The following RASL11A variants were observed in gnomAD, a reference collection of about 807,000 sequenced individuals.
The protein encoded by RASL11A is ras-like protein family member 11A.
RASL11A carries 14 observed loss-of-function variants against 17.1 expected under a neutral mutation model. The ratio of observed to expected loss-of-function variants is 0.82; its 90% confidence interval spans 0.54 to 1.28. The LOEUF (loss-of-function observed/expected upper bound fraction) is 1.28, where lower values mean the gene tolerates loss of function less well. Ranked by LOEUF, RASL11A falls within the 50% of genes most tolerant of loss-of-function variation. The pLI is 0.00. For synonymous variants in RASL11A, 146 were observed against 132.5 expected (o/e 1.10, Z -0.70); for missense variants, 283 against 312.3 (o/e 0.91, Z 0.71).
In RASL11A at chr13:27,271,027, T is replaced by C; in HGVS notation, c.83T>C (p.Ile28Thr). ...SSSDYLLPKD[I>T]KLAVLGAGRV... Reference sequence around the variant, plus strand: ...TCGGACTACCTACTGCCCAAGGACATCAAACTGGCGGTGCTGGGCGCCGGC... The same window carrying C: ...TCGGACTACCTACTGCCCAAGGACACCAAACTGGCGGTGCTGGGCGCCGGC... The change falls in exon 1 of 4, where the codon ATC becomes ACC. Residue 28 changes from isoleucine to threonine, a missense_variant. Physicochemically the swap from Ile to Thr is moderately conservative, Grantham distance 89. Transcript: ENST00000241463. 1 of 1,589,180 alleles carries C rather than the reference T, an allele frequency of 6.3e-7. No individual in the cohort carries two copies.
At position 27,273,339 on chromosome 13, in the gene RASL11A, C is replaced by A; in HGVS notation, c.574C>A (p.Leu192Ile). ...YEDVCDVFQHLCKEVSKMHGL... is the reference protein window; with the variant it reads ...YEDVCDVFQHICKEVSKMHGL... ...AGATGTCTGTGATGTGTTTCAGCAT[C>A]TCTGCAAAGAAGTGAGCAAGATGCA... The change falls in exon 4 of 4, where the codon CTC (leucine) becomes ATC (isoleucine). Residue 192 changes from leucine (L) to isoleucine (I), a missense_variant. By Grantham distance (5) the Leu-to-Ile change is conservative. Coordinates refer to ENST00000241463, the MANE Select transcript of RASL11A (RefSeq NM_206827.2). The A allele has an allele frequency of 1.9e-6, 3 of 1,614,244 alleles. No individual in the cohort carries two copies. The highest frequency in any genetic ancestry group is 2.5e-6 in the Non-Finnish European group (3 of 1,180,038).
chr13:27,271,147 C>A (rs9507866), intron 1 of RASL11A, 79 bp downstream of exon 1: 585,698 of 1,497,994 alleles, frequency 0.39, 120,989 homozygotes, highest in African/African-American at 0.68. Context: ...GGAGAGAGGG[C>A]GCCTCGGCCG....
rs1250593656 is a variant in RASL11A at position 27,271,370 on chromosome 13, G to C, written c.125-114G>C. On this transcript the variant is annotated intron_variant, in intron 1 of 3. Transcript: ENST00000241463. ...GCACCACGGCTTTGCGGAGCCTCTG[G>C]AAGCGAGCAGTGCCCACGGTTCTGC... 9 of 1,550,582 alleles carry C rather than the reference G, an allele frequency of 5.8e-6. No individual in the cohort carries two copies. The East Asian group carries it at 2.1e-4, about 35-fold the overall frequency.
At position 27,270,992 on chromosome 13, in the gene RASL11A, C is replaced by T. The variant is rs771124290; in HGVS notation, c.48C>T (p.Pro16=). The T allele has an allele frequency of 8.1e-6, 13 of 1,595,836 alleles. No homozygotes were observed. In the South Asian group the frequency reaches 1.5e-4, roughly 18 times the overall value. Residue 16 remains proline (P), a synonymous_variant, in exon 1 of 4, where the codon CCC becomes CCT. Coordinates refer to ENST00000241463, the MANE Select transcript of RASL11A (RefSeq NM_206827.2). The stretch of plus-strand genomic sequence containing the variant: ...GGCACTTTCTGCTCGCACCCATCCC[C>T]GAGTCCTCCTCGGACTACCTACTGC... ...MSGHFLLAPI[P]ESSSDYLLPK...
In RASL11A at chr13:27,273,582, G is replaced by A; in HGVS notation, c.*88G>A. 1 of 922,586 alleles carries A rather than the reference G, an allele frequency of 1.1e-6. No individual in the cohort carries two copies. The highest frequency in any genetic ancestry group is 1.7e-5 in the African/African-American group (1 of 58,056). The allele number at this position is 922,586 out of a possible 1,614,324, so 57.1% of individuals were successfully genotyped here. ...CTCGCTTTTTAATCACACATTCAGA[G>A]TTTATTTTTATAAAAAAATTGATTT... On this transcript the variant is annotated 3_prime_UTR_variant, in exon 4 of 4. Coordinates refer to ENST00000241463, the MANE Select transcript of RASL11A (RefSeq NM_206827.2).
chr13:27,271,119 G>T, intron 1 of RASL11A, 51 bp downstream of exon 1: 1 of 1,530,288 alleles, frequency 6.5e-7, no homozygotes, highest in South Asian at 1.2e-5. Flanking sequence ...CTCCGGCCGC[G>T]ACCACTGGGG....
rs376833095 is a variant in RASL11A, at chr13:27,274,853, TG to T, written c.*1360del. Among the ~76,000 whole-genome samples, 1,084 of 152,324 alleles carry T rather than the reference TG, an allele frequency of 7.1e-3. 14 individuals are homozygous for T. The highest frequency in any genetic ancestry group is 0.025 in the African/African-American group (1,037 of 41,570). ...TGGTAAGTTTTAAGTAAACATATAA[TG>T]AATAAATGAATGAATGCACCACTTA... On this transcript the variant is annotated 3_prime_UTR_variant, in exon 4 of 4. Transcript: ENST00000241463.
chr13:27,271,606 G>C (rs770976182), intron 2 of RASL11A, 33 bp from the exon 3 acceptor site: 1 of 1,613,480 alleles, frequency 6.2e-7, no homozygotes, highest in Non-Finnish European at 8.5e-7. Context: ...GGGAGTTTGA[G>C]AATTAAAAAG....
intron 1 of RASL11A, 39 bp from the exon 2 acceptor site, chr13:27,271,445 G>A (rs753714246): frequency 1.9e-6 from 3 of 1,612,898 alleles, no homozygotes; most frequent in African/African-American, 1.3e-5. Context: ...TGACAGGCTT[G>A]TTCTACTCCT....
At chr13:27,271,195 T>C in intron 1 of RASL11A, 127 bp downstream of exon 1, 1 of 1,460,176 alleles carries the variant, frequency 6.8e-7, no homozygotes, top group Non-Finnish European at 9.0e-7. Context: ...TCGGGCTGCT[T>C]TCGCGCTGGG....
rs1286518090 is a variant in RASL11A at position 27,270,962 on chromosome 13, G to A, written c.18G>A (p.Met6Ile). Residue 6 changes from methionine (M) to isoleucine (I), a missense_variant, in exon 1 of 4, where the codon ATG (methionine) becomes ATA (isoleucine). Transcript: ENST00000241463. MRPLS[M>I]SGHFLLAPIP... is the part of the protein sequence containing the mutation. The stretch of plus-strand genomic sequence containing the variant: ...CGCGCTCCATGCGGCCGCTCAGCAT[G>A]TCCGGGCACTTTCTGCTCGCACCCA... 6.3e-7 allele frequency: 1 copy of A among 1,596,938 alleles called. No individual in the cohort carries two copies. The highest frequency in any genetic ancestry group is 1.7e-5 in the Admixed American group (1 of 58,508).
rs368660825 is a variant in RASL11A, at chr13:27,273,229, G to A, written c.464G>A (p.Arg155Gln). Residue 155 changes from arginine (R) to glutamine (Q), a missense_variant, in exon 4 of 4, where the codon CGG becomes CAG. Physicochemically the swap from Arg to Gln is conservative, Grantham distance 43. Transcript: ENST00000241463. The part of the protein sequence containing the change: ...VGNKGDLLHA[R>Q]QVQTQDGIQL... ...AACAAGGGGGACCTTTTGCATGCCCGGCAGGTGCAGACACAGGACGGTATT... is the reference window on the plus strand; with the variant it reads ...AACAAGGGGGACCTTTTGCATGCCCAGCAGGTGCAGACACAGGACGGTATT... The A allele has an allele frequency of 7.5e-5, 121 of 1,614,080 alleles. No homozygotes were observed. The highest frequency in any genetic ancestry group is 9.7e-5 in the Non-Finnish European group (114 of 1,180,038).
At position 27,274,762 on chromosome 13, in the gene RASL11A, C is replaced by T. The variant is rs941603880; in HGVS notation, c.*1268C>T. Among the ~76,000 whole-genome samples the T allele has an allele frequency of 5.3e-5, 8 of 152,224 alleles. No homozygotes were observed. The highest frequency in any genetic ancestry group is 7.2e-5 in the African/African-American group (3 of 41,460). ...TTACTCCATTAGAAGGAGTCCCCCT[C>T]GAGGGCAGTAGCTGCATTTTATGAT... On this transcript the variant is annotated 3_prime_UTR_variant, in exon 4 of 4. Transcript: ENST00000241463.
At position 27,273,110 on chromosome 13, in the gene RASL11A, C is replaced by A. The variant is rs764294021; in HGVS notation, c.345C>A (p.Ile115=). The change falls in exon 4 of 4, where the codon ATC becomes ATA. Residue 115 remains isoleucine (I), a synonymous_variant. Coordinates refer to ENST00000241463, the MANE Select transcript of RASL11A (RefSeq NM_206827.2). The part of the protein sequence containing the change: ...WAEGFLLVYS[I]TDYDSYLSIR... ...AGGGTTTTCTGCTGGTCTATTCCAT[C>A]ACAGACTATGACAGCTACTTGTCCA... 6.5e-5 allele frequency: 105 copies of A among 1,614,080 alleles called. 2 individuals carry two copies. In the South Asian group the frequency reaches 1.2e-3, roughly 18 times the overall value.
chr13:27,271,459 G>A (rs1282211857), intron 1 of RASL11A, 25 bp from the exon 2 acceptor site: 3 of 1,614,060 alleles, frequency 1.9e-6, no homozygotes. Flanking sequence ...TACTCCTTCG[G>A]TTGATTTTCC....
chr13:27,273,536 T>C lies in RASL11A; in HGVS notation c.*42T>C. ...GCCTCTCCTTTTTAATACGCATTTG[T>C]GCAGCTAAAAGACTGGGCTTCTCGC... is the stretch of plus-strand genomic sequence containing the variant. On this transcript the variant is annotated 3_prime_UTR_variant, in exon 4 of 4. Transcript: ENST00000241463. 1.3e-6 allele frequency: 2 copies of C among 1,489,440 alleles called. No individual in the cohort carries two copies. Among genetic ancestry groups the C allele is most frequent in the Non-Finnish European group, 1.9e-6 (2 of 1,079,772 alleles). 92.3% of individuals were successfully genotyped at this position (1,489,440 alleles called of 1,614,324 possible).
intron 1 of RASL11A, 84 bp downstream of exon 1, chr13:27,271,152 C>T (rs1019110628): frequency 2.7e-6 from 4 of 1,490,700 alleles, no homozygotes; most frequent in Non-Finnish European, 1.8e-6. Flanking sequence ...GAGGGCGCCT[C>T]GGCCGAAGCA....
At position 27,273,095 on chromosome 13, in the gene RASL11A, G is replaced by T. The variant is rs138114578; in HGVS notation, c.330G>T (p.Leu110=). 16 of 1,614,072 alleles carry T rather than the reference G, an allele frequency of 9.9e-6. No homozygotes were observed. In the African/African-American group the frequency reaches 1.9e-4, roughly 19 times the overall value. The part of the protein sequence containing the change: ...SKCVQWAEGF[L]LVYSITDYDS... ...GCGTGCAGTGGGCCGAGGGTTTTCT[G>T]CTGGTCTATTCCATCACAGACTATG... Residue 110 remains leucine (L), a synonymous_variant, in exon 4 of 4, where the codon CTG becomes CTT. Coordinates refer to ENST00000241463, the MANE Select transcript of RASL11A (RefSeq NM_206827.2).
chr13:27,271,011 C>G lies in RASL11A; in HGVS notation c.67C>G (p.Leu23Val). ...CATCCCCGAGTCCTCCTCGGACTAC[C>G]TACTGCCCAAGGACATCAAACTGGC... ...APIPESSSDY[L>V]LPKDIKLAVL... The change falls in exon 1 of 4, where the codon CTA becomes GTA. Residue 23 changes from leucine (L) to valine (V), a missense_variant. Leu to Val is a conservative substitution (Grantham distance 32). Coordinates refer to ENST00000241463, the MANE Select transcript of RASL11A (RefSeq NM_206827.2). The G allele has an allele frequency of 6.3e-7, 1 of 1,593,020 alleles. No homozygotes were observed. The highest frequency in any genetic ancestry group is 8.5e-7 in the Non-Finnish European group (1 of 1,169,982).
Sources: allele counts gnomAD v4.1 joint callset (sites outside exome capture counted in the v4.1 genomes callset), GRCh38; gene constraint gnomAD v4.1.1; transcripts MANE v1.5; gene names NCBI Gene and HGNC (gene_info 2026-07-23, HGNC 2026-07-21).